CNTNAP3: variants seen among roughly 807,000 people sequenced by gnomAD.
CNTNAP3 encodes contactin associated protein family member 3.
In CNTNAP3, 36 loss-of-function variants were observed where a neutral mutation model predicts 92.1. The observed-to-expected ratio is 0.39, with a 90% confidence interval of 0.30 to 0.52. The LOEUF is 0.52. Among genes scored for constraint, CNTNAP3 ranks in the 20% least tolerant of loss-of-function variants. CNTNAP3 has a pLI of 0.76. For synonymous variants in CNTNAP3, 232 were observed against 422.3 expected, an observed-to-expected ratio of 0.55 and a Z score of 5.53; for missense variants, 534 against 1,069.6, an observed-to-expected ratio of 0.50 and a Z score of 6.98.
intron 14 of CNTNAP3, among the ~76,000 whole-genome samples, 166 bp from the exon 15 acceptor site, chr9:39,109,453 G>C (rs532202129): frequency 1.5e-3 from 235 of 152,196 alleles, no homozygotes; most frequent in African/African-American, 5.5e-3. Flanking sequence ...CTAAATCAGG[G>C]ATGGGCAAAC....
At chr9:39,117,735 A>C (rs951352275) in intron 14 of CNTNAP3, among the ~76,000 whole-genome samples, 1 of 152,192 alleles carries the variant, frequency 6.6e-6, no homozygotes, top group African/African-American at 2.4e-5. Context: ...TTATATCCCA[A>C]ATCAATTTAA....
At chr9:39,202,293 T>C (rs55866399) in intron 3 of CNTNAP3, among the ~76,000 whole-genome samples, 1 of 47,470 alleles carries the variant, frequency 2.1e-5, no homozygotes, top group South Asian at 8.6e-4. Flanking sequence ...TGTTTGCAGA[T>C]GACATGATTG....
intron 17 of CNTNAP3, among the ~76,000 whole-genome samples, chr9:39,101,989 C>CT (rs1468523103): frequency 6.6e-6 from 1 of 152,208 alleles, no homozygotes; most frequent in Non-Finnish European, 1.5e-5. Context: ...TACCTAAACA[C>CT]TGAGATACTG....
intron 18 of CNTNAP3, among the ~76,000 whole-genome samples, chr9:39,095,309 C>T (rs1354879935): frequency 2.0e-5 from 3 of 151,476 alleles, no homozygotes; most frequent in Admixed American, 1.3e-4. Flanking sequence ...ATTTGGATGC[C>T]TTCTATTTCT....
chr9:39,075,109 AT>A (rs1825724707), intron 23 of CNTNAP3, among the ~76,000 whole-genome samples: 1 of 152,220 alleles, frequency 6.6e-6, no homozygotes, highest in South Asian at 2.1e-4. Flanking sequence ...TATATATGTA[AT>A]CAATCCCTAT....
At chr9:39,137,153 A>G (rs887948973) in intron 12 of CNTNAP3, among the ~76,000 whole-genome samples, 2 of 151,304 alleles carry the variant, frequency 1.3e-5, no homozygotes, top group African/African-American at 4.9e-5. Context: ...CTGTACTCAG[A>G]TATTATGTTC....
At position 39,086,863 on chromosome 9, in the gene CNTNAP3, T is replaced by C. The variant is rs778810050; in HGVS notation, c.3221-14A>G. 9.5e-6 allele frequency: 15 copies of C among 1,584,078 alleles called. No individual in the cohort carries two copies. The Admixed American group carries it at 2.6e-4, about 28-fold the overall frequency. On this transcript the variant is annotated splice_polypyrimidine_tract_variant and intron_variant, in intron 19 of 23. Coordinates refer to ENST00000297668, the MANE Select transcript of CNTNAP3 (RefSeq NM_033655.5). ...TCTGCAAACTTCCTAAAAAGAAAAA[T>C]AAATGGCATTTAAAATTAAAGTGGT... is the stretch of plus-strand genomic sequence containing the variant.
intron 18 of CNTNAP3, among the ~76,000 whole-genome samples, chr9:39,095,524 A>G (rs994507462): frequency 9.7e-5 from 14 of 144,568 alleles, no homozygotes; most frequent in Non-Finnish European, 2.0e-4. Context: ...TTGTTTTTCA[A>G]TCATGAAAGG....
At chr9:39,159,353 A>G (rs539005875) in intron 9 of CNTNAP3, 4 of 138,142 alleles carry the variant, frequency 2.9e-5, no homozygotes, top group African/African-American at 8.1e-5. Flanking sequence ...TCATATATAT[A>G]TATTTTAAAA....
chr9:39,086,725 G>A lies in CNTNAP3; in HGVS notation c.3345C>T (p.Val1115=). ...GCATTTGTGGGATTACCTCTACCAT[G>A]ACCACAGCTTCTTCTCTGTTAATCT... ...QVKINREEAV[V]MVEVNQSTKK... is the part of the protein sequence containing the mutation. Residue 1115 remains valine (V), a synonymous_variant, in exon 20 of 24, where the codon GTC becomes GTT. Coordinates refer to ENST00000297668, the MANE Select transcript of CNTNAP3 (RefSeq NM_033655.5). The A allele has an allele frequency of 6.2e-7, 1 of 1,610,654 alleles. No homozygotes were observed. The highest frequency in any genetic ancestry group is 8.5e-7 in the Non-Finnish European group (1 of 1,179,578).
chr9:39,071,214 T>G lies in CNTNAP3; in HGVS notation c.*2676A>C, dbSNP rs1224375110. 1.3e-5 allele frequency among the ~76,000 whole-genome samples: 2 copies of G among 151,816 alleles called. No homozygotes were observed. Among genetic ancestry groups the G allele is most frequent in the Non-Finnish European group, 2.9e-5 (2 of 67,982 alleles). On this transcript the variant is annotated 3_prime_UTR_variant, in exon 24 of 24. Transcript: ENST00000297668. ...AAAATGTTAAATTTACTGTGACTTT[T>G]CACAGTAATAGAGACAGAGTAATAG...
chr9:39,150,059 C>T, intron 9 of CNTNAP3, 82 bp from the exon 10 acceptor site: 4 of 956,890 alleles, frequency 4.2e-6, no homozygotes, highest in South Asian at 1.7e-5. Context: ...AAGACTGCTG[C>T]TCCCGCTTGT....
At chr9:39,132,342 T>G (rs1821313232) in intron 13 of CNTNAP3, among the ~76,000 whole-genome samples, 1 of 152,070 alleles carries the variant, frequency 6.6e-6, no homozygotes. Context: ...CAGGCAGAGT[T>G]TCCAAAACAT....
At chr9:39,118,314 C>T (rs1820911388) in intron 13 of CNTNAP3, 55 bp from the exon 14 acceptor site, 3 of 1,608,288 alleles carry the variant, frequency 1.9e-6, no homozygotes, top group Non-Finnish European at 2.5e-6. Flanking sequence ...CTACCACCCT[C>T]CCCATATAGC....
Position 39,068,307 on chromosome 9 carries a change from T to A in CNTNAP3, c.*5583A>T, listed in dbSNP as rs1825556730. 6.6e-6 allele frequency among the ~76,000 whole-genome samples: 1 copy of A among 151,916 alleles called. No individual in the cohort carries two copies. The highest frequency in any genetic ancestry group is 1.5e-5 in the Non-Finnish European group (1 of 68,026). On this transcript the variant is annotated 3_prime_UTR_variant, in exon 24 of 24. Coordinates refer to ENST00000297668, the MANE Select transcript of CNTNAP3 (RefSeq NM_033655.5). Reference sequence around the variant, plus strand: ...GGCTTGTGCCTGTAGTCCCAGCTACTCGGGAGGCTGAGGCAGGAGAATGGC... The same window carrying A: ...GGCTTGTGCCTGTAGTCCCAGCTACACGGGAGGCTGAGGCAGGAGAATGGC...
intron 23 of CNTNAP3, among the ~76,000 whole-genome samples, chr9:39,076,616 C>T (rs937471864): frequency 1.3e-5 from 2 of 152,310 alleles, no homozygotes; most frequent in Non-Finnish European, 2.9e-5. Context: ...GAAACAAACA[C>T]AACTAGTTTA....
intron 13 of CNTNAP3, among the ~76,000 whole-genome samples, chr9:39,128,541 G>C (rs1821202139): frequency 6.6e-6 from 1 of 151,628 alleles, no homozygotes; most frequent in Admixed American, 6.6e-5. Flanking sequence ...AAAACTGTCA[G>C]CCAACCAGGA....
At chr9:39,094,276 T>C (rs1477877990) in intron 18 of CNTNAP3, among the ~76,000 whole-genome samples, 1 of 151,558 alleles carries the variant, frequency 6.6e-6, no homozygotes, top group East Asian at 1.9e-4. Flanking sequence ...ATCAGATACA[T>C]AATTTGCAAA....
rs747799430 is a variant in CNTNAP3 at position 39,149,977 on chromosome 9, C to T, written c.1478G>A (p.Gly493Asp). 35 of 1,611,772 alleles carry T rather than the reference C, an allele frequency of 2.2e-5. No homozygotes were observed. The South Asian group carries it at 3.5e-4, about 16-fold the overall frequency. The change falls in exon 10 of 24, where the codon GGC (glycine) becomes GAC (aspartate). Residue 493 changes from glycine (G) to aspartate (D), a missense_variant and splice_region_variant. By Grantham distance (94) the Gly-to-Asp change is moderately conservative. Coordinates refer to ENST00000297668, the MANE Select transcript of CNTNAP3 (RefSeq NM_033655.5). ...IDSGDTYYFG[G>D]CLDNSSGSGC... ...AGAGCCAGAGCTGTTGTCCAGGCAGCCTAAATATGAAGACAAAAATAGGAC... is the reference window on the plus strand; with the variant it reads ...AGAGCCAGAGCTGTTGTCCAGGCAGTCTAAATATGAAGACAAAAATAGGAC...
Sources: allele counts gnomAD v4.1 joint callset (sites outside exome capture counted in the v4.1 genomes callset), GRCh38; gene constraint gnomAD v4.1.1; transcripts MANE v1.5; gene names NCBI Gene and HGNC (gene_info 2026-07-23, HGNC 2026-07-21).